The following TAF15 variants were observed in gnomAD, a reference collection of about 807,000 sequenced individuals.
TAF15 encodes the protein TATA-binding protein-associated factor 2N.
A neutral mutation model predicts 102.5 loss-of-function variants in TAF15; 37 were observed. The observed-to-expected ratio is 0.36, with a 90% confidence interval of 0.28 to 0.47. TAF15 has a LOEUF of 0.47. Ranked by LOEUF, TAF15 falls within the 20% of genes least tolerant of loss-of-function variation. The probability of loss-of-function intolerance (pLI) is 0.99; values close to 1 mark genes in which losing one functional copy is unlikely to be tolerated. For synonymous variants in TAF15, 273 were observed against 259.2 expected (o/e 1.05, Z -0.51); for missense variants, 652 against 760.7 (o/e 0.86, Z 1.68).
intron 2 of TAF15, among the ~76,000 whole-genome samples, chr17:35,819,413 A>C (rs1278092260): frequency 1.3e-5 from 2 of 152,174 alleles, no homozygotes; most frequent in Non-Finnish European, 2.9e-5. Flanking sequence ...TTAGTCAGTC[A>C]ACAAATATTT....
At chr17:35,820,540 TTTA>T in intron 5 of TAF15, 103 bp downstream of exon 5, 2 of 1,097,452 alleles carry the variant, frequency 1.8e-6, no homozygotes, top group African/African-American at 1.6e-5. Flanking sequence ...TTTTTTTTTT[TTTA>T]AAGGAAATTT....
At chr17:35,829,722 A>G (rs2087379368) in intron 7 of TAF15, among the ~76,000 whole-genome samples, 1 of 151,812 alleles carries the variant, frequency 6.6e-6, no homozygotes, top group African/African-American at 2.4e-5. Context: ...AGCATCTGAA[A>G]TGGAATCTGT....
intron 6 of TAF15, 38 bp downstream of exon 6, chr17:35,822,871 C>T: frequency 5.0e-6 from 8 of 1,607,602 alleles, no homozygotes; most frequent in African/African-American, 1.3e-5. Context: ...TTTTCCCCCT[C>T]TCAGAATTAT....
In TAF15 at chr17:35,844,973, TGGAGGAGACCGAGGTGGGGGCTAC is replaced by T. The variant is rs537726014; in HGVS notation, c.1692_1715del (p.Gly565_Gly572del). ...GAGGAGACAGGAGTGGTGGCGGCTA[TGGAGGAGACCGAGGTGGGGGCTAC>T]GGAGGAGACCGAGGTGGCTATGGAG... On this transcript the variant is annotated inframe_deletion, in exon 15 of 16. Coordinates refer to ENST00000605844, the MANE Select transcript of TAF15 (RefSeq NM_139215.3). 640 of 1,612,646 alleles carry T rather than the reference TGGAGGAGACCGAGGTGGGGGCTAC, an allele frequency of 4.0e-4. 1 individual carries two copies. Among genetic ancestry groups the T allele is most frequent in the East Asian group, 6.3e-4 (28 of 44,780 alleles).
At chr17:35,835,379 T>C (rs534593633) in intron 9 of TAF15, among the ~76,000 whole-genome samples, 132 of 152,286 alleles carry the variant, frequency 8.7e-4, no homozygotes, top group Non-Finnish European at 1.2e-3. Context: ...GGTCACTAAT[T>C]TTCTGTGGCT....
At chr17:35,816,982 G>C (rs996405893) in intron 1 of TAF15, 3 of 152,098 alleles carry the variant, frequency 2.0e-5, no homozygotes, top group Non-Finnish European at 4.4e-5. Flanking sequence ...ACCATGCCCA[G>C]CTAGTTTTTG....
At chr17:35,814,892 A>T (rs1367299054) in intron 1 of TAF15, among the ~76,000 whole-genome samples, 2 of 152,052 alleles carry the variant, frequency 1.3e-5, no homozygotes, top group African/African-American at 4.8e-5. Flanking sequence ...ATGTATATAT[A>T]TAAAACCTAA....
At chr17:35,839,114 ATT>A (rs568217659) in intron 11 of TAF15, among the ~76,000 whole-genome samples, 1 of 144,522 alleles carries the variant, frequency 6.9e-6, no homozygotes. Context: ...CAAAAAAAAA[ATT>A]TTTTTTTTTT....
At chr17:35,813,636 C>G (rs1319683985) in intron 1 of TAF15, among the ~76,000 whole-genome samples, 10 of 145,232 alleles carry the variant, frequency 6.9e-5, no homozygotes, top group Admixed American at 5.5e-4. Context: ...ACCCTGTCCC[C>G]CCCCCCCCGC....
intron 7 of TAF15, among the ~76,000 whole-genome samples, chr17:35,831,171 G>A (rs1012898780): frequency 3.3e-4 from 51 of 152,288 alleles, no homozygotes; most frequent in African/African-American, 1.2e-3. Context: ...GGGAGGCCGA[G>A]ACGGGCGGAT....
intron 7 of TAF15, among the ~76,000 whole-genome samples, chr17:35,832,504 A>C (rs1415982790): frequency 2.6e-5 from 4 of 152,204 alleles, no homozygotes; most frequent in Non-Finnish European, 5.9e-5. Context: ...TGTGGCTCAG[A>C]AAAGCCATTT....
intron 7 of TAF15, among the ~76,000 whole-genome samples, chr17:35,828,626 G>A (rs1030991261): frequency 1.3e-5 from 2 of 152,080 alleles, no homozygotes; most frequent in Admixed American, 6.6e-5. Flanking sequence ...AGCTACTTGG[G>A]AAGCTGAGGT....
At chr17:35,813,599 G>C (rs941434057) in intron 1 of TAF15, among the ~76,000 whole-genome samples, 3 of 149,744 alleles carry the variant, frequency 2.0e-5, no homozygotes, top group African/African-American at 4.9e-5. Context: ...TTGTCCTACA[G>C]CACTTCAGCC....
chr17:35,828,434 A>G (rs1488816626), intron 7 of TAF15, among the ~76,000 whole-genome samples: 1 of 152,242 alleles, frequency 6.6e-6, no homozygotes, highest in Non-Finnish European at 1.5e-5. Flanking sequence ...CATGCAATCA[A>G]TATAAAAAAT....
At chr17:35,819,595 G>A (rs1180142317) in intron 2 of TAF15, among the ~76,000 whole-genome samples, 1 of 152,120 alleles carries the variant, frequency 6.6e-6, no homozygotes, top group Admixed American at 6.5e-5. Context: ...AAGGCAAATG[G>A]TGGGAAAAAA....
chr17:35,834,414 A>G, intron 8 of TAF15, 152 bp from the exon 9 acceptor site: 1 of 685,354 alleles, frequency 1.5e-6, no homozygotes, highest in Non-Finnish European at 2.5e-6. Flanking sequence ...ATAAAACATA[A>G]TTTATATATT....
At chr17:35,832,634 G>T (rs554330943) in intron 7 of TAF15, among the ~76,000 whole-genome samples, 1 of 152,098 alleles carries the variant, frequency 6.6e-6, no homozygotes, top group Admixed American at 6.5e-5. Context: ...TAGATTCTTG[G>T]GTTATAATAG....
chr17:35,818,258 G>T (rs2087218357), intron 2 of TAF15: 1 of 153,892 alleles, frequency 6.5e-6, no homozygotes, highest in Admixed American at 6.4e-5. Flanking sequence ...AGCACACCCG[G>T]CAAATTTTTT....
chr17:35,836,133 T>C lies in TAF15; in HGVS notation c.675T>C (p.Asp225=). The change falls in exon 10 of 16, where the codon GAT becomes GAC. Residue 225 remains aspartate, a splice_region_variant and synonymous_variant. Coordinates refer to ENST00000605844, the MANE Select transcript of TAF15 (RefSeq NM_139215.3). ...HRDYGPRTDA[D]SESDNSDNNT... ...TAACCATCACTTTTTTTCTCTTAGA[T>C]TCAGAATCTGATAATTCAGATAACA... The C allele has an allele frequency of 6.2e-7, 1 of 1,609,004 alleles. No individual in the cohort carries two copies. The highest frequency in any genetic ancestry group is 8.5e-7 in the Non-Finnish European group (1 of 1,175,486).
Sources: allele counts gnomAD v4.1 joint callset (sites outside exome capture counted in the v4.1 genomes callset), GRCh38; gene constraint gnomAD v4.1.1; transcripts MANE v1.5; gene names NCBI Gene and HGNC (gene_info 2026-07-23, HGNC 2026-07-21).